The following LRP1B variants were observed in gnomAD, a reference collection of about 807,000 sequenced individuals.
LRP1B encodes the protein low-density lipoprotein receptor-related protein 1B.
A neutral mutation model predicts 556.6 loss-of-function variants in LRP1B; 217 were observed. That is an observed-to-expected ratio of 0.39 (90% CI 0.35 to 0.44). The LOEUF is 0.44. Ranked by LOEUF, LRP1B falls within the 20% of genes least tolerant of loss-of-function variation. The pLI, the probability that LRP1B is intolerant of heterozygous loss-of-function variation, is 1.00. For synonymous variants in LRP1B, 2,047 were observed against 1,865.8 expected, an observed-to-expected ratio of 1.10 and a Z score of -2.50; for missense variants, 5,053 against 5,620.8, an observed-to-expected ratio of 0.90 and a Z score of 3.23.
At chr2:140,544,713 C>T (rs769107177) in intron 43 of LRP1B, among the ~76,000 whole-genome samples, 6 of 152,056 alleles carry the variant, frequency 3.9e-5, no homozygotes, top group Non-Finnish European at 8.8e-5. Flanking sequence ...CTTCTTTACC[C>T]AGTCTACCAT....
At chr2:140,864,474 C>T (rs1559163265) in intron 27 of LRP1B, among the ~76,000 whole-genome samples, 1 of 151,948 alleles carries the variant, frequency 6.6e-6, no homozygotes, top group Non-Finnish European at 1.5e-5. Flanking sequence ...TCTTTGCACA[C>T]ATTGAGACTA....
At position 140,309,766 on chromosome 2, in the gene LRP1B, AAGAT is replaced by A. The variant is rs1161941671; in HGVS notation, c.12805+5165_12805+5168del. The stretch of plus-strand genomic sequence containing the variant: ...TCTGGAAAATACAAAAGTATAAAGA[AAGAT>A]CTATTTCTTTATACAGATATTTTAT... On this transcript the variant is annotated intron_variant, in intron 83 of 90. Coordinates refer to ENST00000389484, the MANE Select transcript of LRP1B (RefSeq NM_018557.3). Among the ~76,000 whole-genome samples the A allele has an allele frequency of 3.3e-5, 5 of 151,856 alleles. No individual in the cohort carries two copies. The East Asian group carries it at 5.8e-4, about 18-fold the overall frequency.
At chr2:140,932,795 C>T (rs79587512) in intron 20 of LRP1B, among the ~76,000 whole-genome samples, 5,745 of 149,414 alleles carry the variant, frequency 0.038, 167 homozygotes, top group Non-Finnish European at 0.055. Context: ...GGGAGGATTG[C>T]TTGAGTTCAG....
rs142587029 is a variant in LRP1B, at chr2:141,401,626, G to A, written c.343+78770C>T. Among the ~76,000 whole-genome samples, 14 of 152,190 alleles carry A rather than the reference G, an allele frequency of 9.2e-5. No individual in the cohort carries two copies. The East Asian group carries it at 2.7e-3, about 29-fold the overall frequency. On this transcript the variant is annotated intron_variant, in intron 3 of 90. Coordinates refer to ENST00000389484, the MANE Select transcript of LRP1B (RefSeq NM_018557.3). ...CAGAGACTGAAAACCATTTCACACT[G>A]TCATCATTATTTTCTTCTATTTTCT... is the stretch of plus-strand genomic sequence containing the variant.
intron 3 of LRP1B, among the ~76,000 whole-genome samples, chr2:141,337,023 A>G (rs969309364): frequency 1.3e-5 from 2 of 152,154 alleles, no homozygotes; most frequent in African/African-American, 4.8e-5. Flanking sequence ...TTTCTGGGTA[A>G]ACAAAAGTTT....
rs751887969 is a variant in LRP1B, at chr2:140,503,119, A to G, written c.8522-16T>C. On this transcript the variant is annotated splice_polypyrimidine_tract_variant and intron_variant, in intron 53 of 90. Transcript: ENST00000389484. Reference sequence around the variant, plus strand: ...TGTCGATATCCTAGAGACGCAGAAAAAACATTTGACTAATTCACATAACAA... The same window carrying G: ...TGTCGATATCCTAGAGACGCAGAAAGAACATTTGACTAATTCACATAACAA... 2.5e-6 allele frequency: 4 copies of G among 1,611,636 alleles called. No homozygotes were observed. In the South Asian group the frequency reaches 4.4e-5, roughly 18 times the overall value.
chr2:141,193,774 TAAAA>T (rs531545490), intron 6 of LRP1B, among the ~76,000 whole-genome samples: 9 of 147,850 alleles, frequency 6.1e-5, no homozygotes, highest in Non-Finnish European at 3.0e-5. Context: ...AAATCTTGCT[TAAAA>T]AAAAAAATAA....
intron 6 of LRP1B, among the ~76,000 whole-genome samples, chr2:141,216,506 G>A (rs1389184606): frequency 1.3e-5 from 2 of 152,180 alleles, no homozygotes; most frequent in Non-Finnish European, 2.9e-5. Context: ...ATTACCTAGT[G>A]AAGCTGTGGG....
At chr2:141,746,096 C>T (rs114853810) in intron 2 of LRP1B, among the ~76,000 whole-genome samples, 306 of 152,148 alleles carry the variant, frequency 2.0e-3, no homozygotes, top group African/African-American at 7.0e-3. Context: ...TCAGGAGCTG[C>T]GTTCCCTGGG....
At chr2:140,305,203 T>G (rs549149474) in intron 83 of LRP1B, among the ~76,000 whole-genome samples, 3 of 152,182 alleles carry the variant, frequency 2.0e-5, no homozygotes, top group South Asian at 4.1e-4. Flanking sequence ...AAAGTCATTG[T>G]TAGCTTAATG....
chr2:140,655,942 C>CAAAA (rs369787900), intron 41 of LRP1B, among the ~76,000 whole-genome samples: 1 of 146,218 alleles, frequency 6.8e-6, no homozygotes, highest in Admixed American at 6.9e-5. Flanking sequence ...GACTCCGTCT[C>CAAAA]AAAAAAAACA....
intron 2 of LRP1B, among the ~76,000 whole-genome samples, chr2:141,617,665 A>C (rs2105331285): frequency 6.6e-6 from 1 of 152,296 alleles, no homozygotes; most frequent in African/African-American, 2.4e-5. Flanking sequence ...GTTCAAAGCA[A>C]ATCTTTCTAC....
intron 3 of LRP1B, among the ~76,000 whole-genome samples, chr2:141,263,881 C>A (rs1161311583): frequency 2.0e-5 from 3 of 152,010 alleles, no homozygotes; most frequent in Admixed American, 1.3e-4. Context: ...GGGAAAAAAA[C>A]CCTATCATTT....
At chr2:141,418,363 T>C (rs1355565497) in intron 3 of LRP1B, among the ~76,000 whole-genome samples, 1 of 152,168 alleles carries the variant, frequency 6.6e-6, no homozygotes, top group African/African-American at 2.4e-5. Flanking sequence ...ATTTTACATT[T>C]CAGAGCTTAC....
At chr2:141,630,624 C>T (rs147968683) in intron 2 of LRP1B, among the ~76,000 whole-genome samples, 2,060 of 152,288 alleles carry the variant, frequency 0.014, 39 homozygotes, top group South Asian at 0.024. Context: ...GACAGATGGT[C>T]CCTGACTTTC....
intron 7 of LRP1B, among the ~76,000 whole-genome samples, chr2:141,173,363 T>G (rs1398431610): frequency 6.6e-6 from 1 of 152,054 alleles, no homozygotes; most frequent in Non-Finnish European, 1.5e-5. Flanking sequence ...TTTCCAACTA[T>G]TTTTCCTAAC....
At chr2:141,796,578 CTTTTTTT>C (rs75317117) in intron 2 of LRP1B, among the ~76,000 whole-genome samples, 2 of 127,576 alleles carry the variant, frequency 1.6e-5, no homozygotes, top group Non-Finnish European at 3.3e-5. Context: ...GCATTTTATT[CTTTTTTT>C]TTTTTTTTTT....
intron 1 of LRP1B, among the ~76,000 whole-genome samples, chr2:142,005,429 C>T (rs1410027433): frequency 6.6e-6 from 1 of 152,094 alleles, no homozygotes; most frequent in African/African-American, 2.4e-5. Context: ...TGTTCTATTA[C>T]CAGTTGATAG....
At chr2:140,846,054 A>G (rs1692264742) in intron 29 of LRP1B, among the ~76,000 whole-genome samples, 1 of 152,128 alleles carries the variant, frequency 6.6e-6, no homozygotes, top group Admixed American at 6.6e-5. Context: ...AGATATTATA[A>G]TGAGGAAAAA....
Sources: allele counts gnomAD v4.1 joint callset (sites outside exome capture counted in the v4.1 genomes callset), GRCh38; gene constraint gnomAD v4.1.1; transcripts MANE v1.5; gene names NCBI Gene and HGNC (gene_info 2026-07-23, HGNC 2026-07-21).